The following IGSF3 variants were observed in gnomAD, a reference collection of about 807,000 sequenced individuals.
IGSF3 encodes the protein immunoglobulin superfamily member 3.
A neutral mutation model predicts 114.4 loss-of-function variants in IGSF3; 23 were observed. The ratio of observed to expected loss-of-function variants is 0.20; its 90% CI spans 0.14 to 0.28. The LOEUF (loss-of-function observed/expected upper bound fraction) is 0.28. Among genes scored for constraint, IGSF3 ranks in the 10% least tolerant of loss-of-function variants. The probability of loss-of-function intolerance (pLI) is 1.00; values close to 1 mark genes in which losing one functional copy is unlikely to be tolerated. For missense variants in IGSF3, 1,172 were observed against 1,591.5 expected, an observed-to-expected ratio of 0.74 and a Z score of 4.48; for synonymous variants, 571 against 645.2, an observed-to-expected ratio of 0.88 and a Z score of 1.74.
chr1:116,583,611 AT>A lies in IGSF3; in HGVS notation c.2848+1033del, dbSNP rs1659685432. On this transcript the variant is annotated intron_variant, in intron 9 of 10. Transcript: ENST00000369486. This position sits in a 1 kb window ranked among gnomAD's most constrained non-coding sequence, Gnocchi z 4.5. ...CTTCCAGTAGTGCCCAAGGCCACAA[AT>A]GTGAATGTCAGGATGCTCAGAAAAC... Among the ~76,000 whole-genome samples, 1 of 152,158 alleles carries A rather than the reference AT, an allele frequency of 6.6e-6. No individual in the cohort carries two copies. The highest frequency in any genetic ancestry group is 1.5e-5 in the Non-Finnish European group (1 of 68,010).
intron 7 of IGSF3, among the ~76,000 whole-genome samples, chr1:116,590,376 A>C (rs1304116079): frequency 1.3e-5 from 2 of 152,080 alleles, no homozygotes; most frequent in South Asian, 2.1e-4. Context: ...AAAATGAAAA[A>C]AAAAAAACAA....
At chr1:116,621,934 G>T (rs1459648801) in intron 2 of IGSF3, among the ~76,000 whole-genome samples, 2 of 152,174 alleles carry the variant, frequency 1.3e-5, no homozygotes, top group Non-Finnish European at 2.9e-5. Flanking sequence ...AGATAAACCT[G>T]GCTAGGGGCA....
At chr1:116,646,687 C>T (rs1648388683) in intron 2 of IGSF3, among the ~76,000 whole-genome samples, 1 of 152,164 alleles carries the variant, frequency 6.6e-6, no homozygotes, top group Non-Finnish European at 1.5e-5. Flanking sequence ...GGAACAAAGC[C>T]AGCTAAGGGA....
Position 116,583,968 on chromosome 1 carries a change from G to C in IGSF3, c.2848+677C>G, listed in dbSNP as rs1374433592. Among the ~76,000 whole-genome samples, 3 of 152,104 alleles carry C rather than the reference G, an allele frequency of 2.0e-5. No individual in the cohort carries two copies. Among genetic ancestry groups the C allele is most frequent in the Admixed American group, 1.3e-4 (2 of 15,276 alleles). ...TTGAAAAGCCGAGGCGGTGGTGGGG[G>C]TCACGAGGTCAGGAGATCGAGACCA... is the stretch of plus-strand genomic sequence containing the variant. On this transcript the variant is annotated intron_variant, in intron 9 of 10. Transcript: ENST00000369486. This position sits in a 1 kb window ranked among gnomAD's most constrained non-coding sequence, Gnocchi z 4.5.
Position 116,647,586 on chromosome 1 carries a change from AT to A in IGSF3, c.43+18697del, listed in dbSNP as rs1237882701. Among the ~76,000 whole-genome samples, 1 of 152,188 alleles carries A rather than the reference AT, an allele frequency of 6.6e-6. No individual in the cohort carries two copies. Among genetic ancestry groups the A allele is most frequent in the East Asian group, 1.9e-4 (1 of 5,202 alleles). On this transcript the variant is annotated intron_variant, in intron 2 of 10. Transcript: ENST00000369486. The surrounding 1 kb of genome is among the most constrained non-coding windows in gnomAD (Gnocchi z 4.6). ...AAAATCACCCTAATGAGTATTTCCT[AT>A]TATTTTACAGATGAGGAAATGAGAG...
rs1445815385 is a variant in IGSF3, at chr1:116,607,955, T to G, written c.1209A>C (p.Ile403=). The change falls in exon 5 of 11, where the codon ATA becomes ATC. Residue 403 remains isoleucine, a synonymous_variant. Coordinates refer to ENST00000369486, the MANE Select transcript of IGSF3 (RefSeq NM_001007237.3). This position sits in a 1 kb window ranked among gnomAD's most constrained non-coding sequence, Gnocchi z 6.1. ...ESKRPKNIPI[I]VLPLKSSISV... ...CTCTCTACTTACTGAGGGGGAGGAC[T>G]ATGATGGGGATGTTCTTGGGACGCT... is the stretch of plus-strand genomic sequence containing the variant. 1 of 1,613,886 alleles carries G rather than the reference T, an allele frequency of 6.2e-7. No homozygotes were observed. The highest frequency in any genetic ancestry group is 1.1e-5 in the South Asian group (1 of 91,070).
chr1:116,579,941 A>C lies in IGSF3; in HGVS notation c.2849-64T>G. ...TAAATTTATTTGCTCAAAATAAACT[A>C]AATGTCCATCATTAAACACATGATA... On this transcript the variant is annotated intron_variant, in intron 9 of 10. Transcript: ENST00000369486. The surrounding 1 kb of genome is among the most constrained non-coding windows in gnomAD (Gnocchi z 6.4). The C allele has an allele frequency of 5.8e-6, 8 of 1,377,066 alleles. No homozygotes were observed. The highest frequency in any genetic ancestry group is 6.9e-6 in the Non-Finnish European group (7 of 1,019,612). 85.3% of individuals were successfully genotyped at this position (1,377,066 alleles called of 1,614,324 possible).
At chr1:116,587,218 GTATA>G (rs3831858) in intron 8 of IGSF3, among the ~76,000 whole-genome samples, 1 of 152,008 alleles carries the variant, frequency 6.6e-6, no homozygotes, top group Admixed American at 6.6e-5. Context: ...GTGTGTGTGT[GTATA>G]TATATATGTA....
In IGSF3 at chr1:116,598,261, A is replaced by C. The variant is rs1287435590; in HGVS notation, c.2029+1680T>G. ...ACTGACCTTGAGAGCCAGAGGGGAC[A>C]AAAAAAAAAGGTGCAATTACAATCC... is the stretch of plus-strand genomic sequence containing the variant. On this transcript the variant is annotated intron_variant, in intron 7 of 10. Transcript: ENST00000369486. This position sits in a 1 kb window ranked among gnomAD's most constrained non-coding sequence, Gnocchi z 4.3. 6.8e-6 allele frequency among the ~76,000 whole-genome samples: 1 copy of C among 147,628 alleles called. No individual in the cohort carries two copies. The highest frequency in any genetic ancestry group is 1.5e-5 in the Non-Finnish European group (1 of 66,568).
In IGSF3 at chr1:116,649,844, T is replaced by C. The variant is rs1648556565; in HGVS notation, c.43+16440A>G. On this transcript the variant is annotated intron_variant, in intron 2 of 10. Transcript: ENST00000369486. This position sits in a 1 kb window ranked among gnomAD's most constrained non-coding sequence, Gnocchi z 4.5. The stretch of plus-strand genomic sequence containing the variant: ...ACTCACAATTTGAGGTGCTCTAGAA[T>C]CTGTCCGTGGAATTAGTCAGGACAT... Among the ~76,000 whole-genome samples the C allele has an allele frequency of 6.6e-6, 1 of 152,216 alleles. No individual in the cohort carries two copies. Among genetic ancestry groups the C allele is most frequent in the African/African-American group, 2.4e-5 (1 of 41,452 alleles).
In IGSF3 at chr1:116,618,154, A is replaced by G. The variant is rs1371022432; in HGVS notation, c.44-1697T>C. On this transcript the variant is annotated intron_variant, in intron 2 of 10. Coordinates refer to ENST00000369486, the MANE Select transcript of IGSF3 (RefSeq NM_001007237.3). This position sits in a 1 kb window ranked among gnomAD's most constrained non-coding sequence, Gnocchi z 4.7. ...CCCATGGCTTGCAAAACTTTAATTCATGCAGAACCTTTCCTCACAAACAAA... is the reference window on the plus strand; with the variant it reads ...CCCATGGCTTGCAAAACTTTAATTCGTGCAGAACCTTTCCTCACAAACAAA... 2.0e-5 allele frequency among the ~76,000 whole-genome samples: 3 copies of G among 152,244 alleles called. No individual in the cohort carries two copies. The highest frequency in any genetic ancestry group is 4.4e-5 in the Non-Finnish European group (3 of 68,034).
At chr1:116,608,559 C>T (rs182128510) in intron 4 of IGSF3, among the ~76,000 whole-genome samples, 10 of 152,300 alleles carry the variant, frequency 6.6e-5, no homozygotes, top group East Asian at 5.8e-4. Flanking sequence ...TCAGCCCAGA[C>T]GGTCTAAGCA....
chr1:116,621,307 C>T (rs1375139690), intron 2 of IGSF3, among the ~76,000 whole-genome samples: 1 of 152,146 alleles, frequency 6.6e-6, no homozygotes, highest in East Asian at 1.9e-4. Flanking sequence ...TATAAATTCT[C>T]CAGTCTCATG....
rs768023190 is a variant in IGSF3 at position 116,588,922 on chromosome 1, C to T, written c.2212G>A (p.Ala738Thr). The T allele has an allele frequency of 1.2e-5, 20 of 1,614,180 alleles. No individual in the cohort carries two copies. Among genetic ancestry groups the T allele is most frequent in the Admixed American group, 3.3e-5 (2 of 60,022 alleles). The change falls in exon 8 of 11, where the codon GCC becomes ACC. Residue 738 changes from alanine (A) to threonine (T), a missense_variant. Transcript: ENST00000369486. The surrounding 1 kb of genome is among the most constrained non-coding windows in gnomAD (Gnocchi z 4.9). ...KLILKTTHNSAFEYGTYAEEE... is the reference protein window; with the variant it reads ...KLILKTTHNSTFEYGTYAEEE... ...TCGGCGTAAGTACCGTATTCAAAGG[C>T]GGAGTTGTGGGTGGTCTTCAGGATA...
rs1659789366 is a variant in IGSF3, at chr1:116,585,297, A to T, written c.2441-245T>A. On this transcript the variant is annotated intron_variant, in intron 8 of 10. Coordinates refer to ENST00000369486, the MANE Select transcript of IGSF3 (RefSeq NM_001007237.3). This position sits in a 1 kb window ranked among gnomAD's most constrained non-coding sequence, Gnocchi z 4.9. ...CAGCTGTCCCAAAGTCGTAGCCCTC[A>T]TCAGTTCTGATGCTCACAGGAGGAC... is the stretch of plus-strand genomic sequence containing the variant. 6.6e-6 allele frequency among the ~76,000 whole-genome samples: 1 copy of T among 152,174 alleles called. No individual in the cohort carries two copies. The highest frequency in any genetic ancestry group is 6.5e-5 in the Admixed American group (1 of 15,276).
At chr1:116,667,352 T>C (rs1458873725) in intron 1 of IGSF3, among the ~76,000 whole-genome samples, 2 of 151,860 alleles carry the variant, frequency 1.3e-5, no homozygotes, top group Non-Finnish European at 2.9e-5. Context: ...GGCCCCGCTA[T>C]TGTTTTACCT....
rs550097428 is a variant in IGSF3 at position 116,649,491 on chromosome 1, G to T, written c.43+16793C>A. Among the ~76,000 whole-genome samples the T allele has an allele frequency of 6.6e-6, 1 of 152,148 alleles. No individual in the cohort carries two copies. The highest frequency in any genetic ancestry group is 1.5e-5 in the Non-Finnish European group (1 of 68,022). ...AAGCCATAGTGGCAAAAGGCAAACA[G>T]CATCTTCCTAAAATCTTCCTCTTCC... On this transcript the variant is annotated intron_variant, in intron 2 of 10. Coordinates refer to ENST00000369486, the MANE Select transcript of IGSF3 (RefSeq NM_001007237.3). This position sits in a 1 kb window ranked among gnomAD's most constrained non-coding sequence, Gnocchi z 4.5.
chr1:116,613,214 T>C (rs1012577288), intron 4 of IGSF3, among the ~76,000 whole-genome samples: 1 of 152,206 alleles, frequency 6.6e-6, no homozygotes, highest in African/African-American at 2.4e-5. Flanking sequence ...TGAAGTAATA[T>C]GTGATAAAGC....
At position 116,615,684 on chromosome 1, in the gene IGSF3, C is replaced by G. The variant is rs913258644; in HGVS notation, c.421+396G>C. Among the ~76,000 whole-genome samples, 1 of 152,202 alleles carries G rather than the reference C, an allele frequency of 6.6e-6. No individual in the cohort carries two copies. Among genetic ancestry groups the G allele is most frequent in the Non-Finnish European group, 1.5e-5 (1 of 68,034 alleles). On this transcript the variant is annotated intron_variant, in intron 3 of 10. Transcript: ENST00000369486. The surrounding 1 kb of genome is among the most constrained non-coding windows in gnomAD (Gnocchi z 4.3). Reference sequence around the variant, plus strand: ...TGTGCTTCCTGCTTCAGCAGTGCCCCGTGGGTCTCAGAGCTGCCCAAAGGC... The same window carrying G: ...TGTGCTTCCTGCTTCAGCAGTGCCCGGTGGGTCTCAGAGCTGCCCAAAGGC...
Sources: allele counts gnomAD v4.1 joint callset (sites outside exome capture counted in the v4.1 genomes callset), GRCh38; gene constraint gnomAD v4.1.1; non-coding constraint Gnocchi (gnomAD v3.1); transcripts MANE v1.5; gene names NCBI Gene and HGNC (gene_info 2026-07-23, HGNC 2026-07-21).